Variants in ITIH2 observed in about 807,000 individuals in gnomAD.
ITIH2 encodes inter-alpha-trypsin inhibitor heavy chain H2.
A neutral mutation model predicts 104.4 loss-of-function variants in ITIH2; 103 were observed. The observed-to-expected ratio is 0.99, with a 90% CI of 0.84 to 1.16. The LOEUF (loss-of-function observed/expected upper bound fraction) is 1.16. ITIH2 is among the 50% of genes most tolerant of loss of function. The pLI, the probability that ITIH2 is intolerant of heterozygous loss-of-function variation, is 0.00. For synonymous variants in ITIH2, 436 were observed against 435.4 expected (o/e 1.00, Z -0.02); for missense variants, 1,108 against 1,162.4 (o/e 0.95, Z 0.68).
chr10:7,724,313 G>A (rs768931305), intron 9 of ITIH2, among the ~76,000 whole-genome samples: 15 of 152,158 alleles, frequency 9.9e-5, no homozygotes, highest in Non-Finnish European at 1.8e-4. Context: ...GCTCACGCCT[G>A]TAATCCCAGT....
chr10:7,732,830 C>T (rs1835017006), intron 14 of ITIH2, among the ~76,000 whole-genome samples: 1 of 152,134 alleles, frequency 6.6e-6, no homozygotes, highest in Non-Finnish European at 1.5e-5. Context: ...CGGGTTCACA[C>T]CATTCTCCTG....
At chr10:7,719,612 T>C (rs796980781) in intron 6 of ITIH2, among the ~76,000 whole-genome samples, 14 of 151,568 alleles carry the variant, frequency 9.2e-5, no homozygotes, top group African/African-American at 3.1e-4. Flanking sequence ...AATAAATAAA[T>C]TAGCCAGGCA....
In ITIH2 at chr10:7,703,451, G is replaced by C; in HGVS notation, c.17G>C (p.Cys6Ser). ...TCCAGCAAAATGAAAAGACTCACGT[G>C]CTTTTTCATCTGCTTCTTTCTTTCT... MKRLT[C>S]FFICFFLSEV... The change falls in exon 1 of 21, where the codon TGC becomes TCC. Residue 6 changes from cysteine to serine, a missense_variant. By Grantham distance (112) the Cys-to-Ser change is moderately radical. Coordinates refer to ENST00000358415, the MANE Select transcript of ITIH2 (RefSeq NM_002216.3). 1 of 1,613,810 alleles carries C rather than the reference G, an allele frequency of 6.2e-7. No homozygotes were observed. Among genetic ancestry groups the C allele is most frequent in the Non-Finnish European group, 8.5e-7 (1 of 1,179,710 alleles).
At position 7,716,485 on chromosome 10, in the gene ITIH2, C is replaced by A. The variant is rs537766700; in HGVS notation, c.468-1141C>A. ...GGTGCAGTGGCTCAGACTATAATCCCAGCACTTTCAGAAGTGGAGGCGGGT... is the reference window on the plus strand; with the variant it reads ...GGTGCAGTGGCTCAGACTATAATCCAAGCACTTTCAGAAGTGGAGGCGGGT... On this transcript the variant is annotated intron_variant, in intron 5 of 20. Transcript: ENST00000358415. Among the ~76,000 whole-genome samples the A allele has an allele frequency of 4.5e-3, 685 of 152,108 alleles. 7 individuals carry two copies. The highest frequency in any genetic ancestry group is 0.016 in the African/African-American group (665 of 41,516).
At chr10:7,728,072 T>C (rs1364180911) in intron 11 of ITIH2, among the ~76,000 whole-genome samples, 1 of 152,064 alleles carries the variant, frequency 6.6e-6, no homozygotes, top group African/African-American at 2.4e-5. Flanking sequence ...GAAATCTGAG[T>C]CTGAATTTTA....
intron 16 of ITIH2, among the ~76,000 whole-genome samples, chr10:7,742,780 T>C (rs1835139197): frequency 6.6e-6 from 1 of 152,224 alleles, no homozygotes; most frequent in Non-Finnish European, 1.5e-5. Flanking sequence ...TCTACACACA[T>C]ATTCACACAC....
chr10:7,712,615 T>C (rs77432206), intron 4 of ITIH2, among the ~76,000 whole-genome samples: 5,144 of 152,238 alleles, frequency 0.034, 263 homozygotes, highest in African/African-American at 0.11. Context: ...GAAAAATCTA[T>C]AAACAAACAA....
At position 7,735,746 on chromosome 10, in the gene ITIH2, C is replaced by G. The variant is rs147247124; in HGVS notation, c.1957+655C>G. Reference sequence around the variant, plus strand: ...GGAGCACAATGGCACGATCTCAGCTCCCTGCAACCTCAGCCTCCCAGGTTC... The same window carrying G: ...GGAGCACAATGGCACGATCTCAGCTGCCTGCAACCTCAGCCTCCCAGGTTC... On this transcript the variant is annotated intron_variant, in intron 15 of 20. Transcript: ENST00000358415. 2.7e-5 allele frequency among the ~76,000 whole-genome samples: 4 copies of G among 150,226 alleles called. No individual in the cohort carries two copies. The East Asian group carries it at 7.9e-4, about 30-fold the overall frequency.
At position 7,737,686 on chromosome 10, in the gene ITIH2, T is replaced by G. The variant is rs569390740; in HGVS notation, c.1958-935T>G. Among the ~76,000 whole-genome samples, 58 of 16,596 alleles carry G rather than the reference T, an allele frequency of 3.5e-3. 15 individuals carry two copies. The highest frequency in any genetic ancestry group is 8.3e-3 in the East Asian group (2 of 242). The allele number at this position is 16,596 out of a possible 152,430, so 10.9% of individuals were successfully genotyped here. ...TATATTATATTCTATATTTTCTATA[T>G]TATATTCTATATAATATTCTATATT... is the stretch of plus-strand genomic sequence containing the variant. On this transcript the variant is annotated intron_variant, in intron 15 of 20. Coordinates refer to ENST00000358415, the MANE Select transcript of ITIH2 (RefSeq NM_002216.3).
At chr10:7,726,873 C>G in intron 9 of ITIH2, 77 bp from the exon 10 acceptor site, 1 of 1,207,072 alleles carries the variant, frequency 8.3e-7, no homozygotes, top group East Asian at 2.4e-5. Context: ...TGACCAGGAT[C>G]AATGATTGGT....
At chr10:7,717,588 T>C (rs1834861994) in intron 5 of ITIH2, 38 bp from the exon 6 acceptor site, 5 of 1,596,920 alleles carry the variant, frequency 3.1e-6, no homozygotes, top group Non-Finnish European at 4.3e-6. Flanking sequence ...TGCTCAATCA[T>C]GTATCTGTTG....
chr10:7,735,477 A>C (rs917593214), intron 15 of ITIH2, among the ~76,000 whole-genome samples: 1 of 151,944 alleles, frequency 6.6e-6, no homozygotes, highest in East Asian at 1.9e-4. Context: ...AGGCAGGAGG[A>C]TCTCTCGAGC....
At chr10:7,719,116 G>A (rs533410995) in intron 6 of ITIH2, among the ~76,000 whole-genome samples, 36 of 152,274 alleles carry the variant, frequency 2.4e-4, no homozygotes, top group African/African-American at 7.5e-4. Flanking sequence ...TGAATTGCCC[G>A]GAGACACGGG....
chr10:7,736,880 G>A lies in ITIH2; in HGVS notation c.1958-1741G>A, dbSNP rs1039509833. Reference sequence around the variant, plus strand: ...AGTGGATAGAAATGGCAAGTGTCTGGTTATATTCAGTTACTCGCTTATCTG... The same window carrying A: ...AGTGGATAGAAATGGCAAGTGTCTGATTATATTCAGTTACTCGCTTATCTG... On this transcript the variant is annotated intron_variant, in intron 15 of 20. Transcript: ENST00000358415. Among the ~76,000 whole-genome samples the A allele has an allele frequency of 2.0e-5, 3 of 152,248 alleles. No homozygotes were observed. In the East Asian group the frequency reaches 5.8e-4, roughly 29 times the overall value.
At chr10:7,717,355 G>A (rs1395187439) in intron 5 of ITIH2, among the ~76,000 whole-genome samples, 1 of 152,200 alleles carries the variant, frequency 6.6e-6, no homozygotes, top group Non-Finnish European at 1.5e-5. Context: ...CCCAGGATAG[G>A]GGCCAATCCC....
intron 14 of ITIH2, among the ~76,000 whole-genome samples, chr10:7,733,717 T>A (rs1377141223): frequency 6.6e-6 from 1 of 152,132 alleles, no homozygotes; most frequent in Non-Finnish European, 1.5e-5. Context: ...ACCACCTGCA[T>A]CAAAATTACA....
chr10:7,738,765 C>T lies in ITIH2; in HGVS notation c.2095+7C>T, dbSNP rs762888189. The T allele has an allele frequency of 1.3e-6, 2 of 1,590,564 alleles. No homozygotes were observed. The highest frequency in any genetic ancestry group is 2.3e-5 in the East Asian group (1 of 43,134). ...CCCCCACATGTGATGAGAGGTAACG[C>T]TTCTACACTGCTTGCACGTCCCAGA... On this transcript the variant is annotated splice_region_variant and intron_variant, in intron 16 of 20. Transcript: ENST00000358415.
chr10:7,715,287 G>A (rs1834837076), intron 5 of ITIH2, among the ~76,000 whole-genome samples: 1 of 152,138 alleles, frequency 6.6e-6, no homozygotes, highest in African/African-American at 2.4e-5. Flanking sequence ...TGGGCGTGGT[G>A]GCGTGTGCCT....
intron 15 of ITIH2, among the ~76,000 whole-genome samples, chr10:7,735,391 A>G (rs2130958490): frequency 6.6e-6 from 1 of 152,186 alleles, no homozygotes; most frequent in Non-Finnish European, 1.5e-5. Flanking sequence ...GCGAGACCCC[A>G]TCTCTAAAGA....
Sources: allele counts gnomAD v4.1 joint callset (sites outside exome capture counted in the v4.1 genomes callset), GRCh38; gene constraint gnomAD v4.1.1; transcripts MANE v1.5; gene names NCBI Gene and HGNC (gene_info 2026-07-23, HGNC 2026-07-21).